THSD7A: variants seen among roughly 807,000 people sequenced by gnomAD.
THSD7A encodes thrombospondin type 1 domain containing 7A, also known as thrombospondin type-1 domain-containing protein 7A.
Under a neutral mutation model 231.3 loss-of-function variants are expected in THSD7A, and 96 were observed. The observed-to-expected ratio is 0.41, with a 90% CI of 0.35 to 0.49. The LOEUF is 0.49. THSD7A is among the 20% of genes least tolerant of loss of function. The pLI, the probability that THSD7A is intolerant of heterozygous loss-of-function variation, is 0.05. For synonymous variants in THSD7A, 940 were observed against 743.3 expected (o/e 1.26, Z -4.30); for missense variants, 2,290 against 2,070.2 (o/e 1.11, Z -2.06).
intron 1 of THSD7A, among the ~76,000 whole-genome samples, chr7:11,775,602 C>G (rs961648122): frequency 3.9e-5 from 6 of 152,102 alleles, no homozygotes; most frequent in Admixed American, 3.9e-4. Context: ...ATGCTGACTG[C>G]ATGATTTCAC....
In THSD7A at chr7:11,831,816, G is replaced by A. The variant is rs1785202604; in HGVS notation, c.131C>T (p.Ala44Val). The change falls in exon 1 of 28, where the codon GCC becomes GTC. Residue 44 changes from alanine to valine, a missense_variant. Ala to Val is a moderately conservative substitution (Grantham distance 64, BLOSUM62 0). Transcript: ENST00000423059. The surrounding 1 kb of genome is among the most constrained non-coding windows in gnomAD (Gnocchi z 5.0). ...LLLLLLLRPG[A>V]GRAAAQGEAE... ...CTCGCCCTGCGCCGCAGCCCTGCCG[G>A]CGCCCGGGCGTAGCAGCAGCAGCAG... 6.9e-7 allele frequency: 1 copy of A among 1,448,112 alleles called. No individual in the cohort carries two copies. The highest frequency in any genetic ancestry group is 9.1e-7 in the Non-Finnish European group (1 of 1,096,732). 89.7% of individuals were successfully genotyped at this position (1,448,112 alleles called of 1,614,324 possible). A position where few individuals can be genotyped will look rare whatever the true frequency, so the allele number is the denominator to read the frequency against.
At chr7:11,771,758 A>G (rs187339891) in intron 1 of THSD7A, among the ~76,000 whole-genome samples, 7 of 152,314 alleles carry the variant, frequency 4.6e-5, no homozygotes, top group East Asian at 1.9e-4. Context: ...GGAATCTCCA[A>G]TGCTGGAGTT....
At chr7:11,655,378 CTG>C (rs1782665380) in intron 1 of THSD7A, among the ~76,000 whole-genome samples, 1 of 151,824 alleles carries the variant, frequency 6.6e-6, no homozygotes. Flanking sequence ...GTTGCTGACT[CTG>C]TTGTTGGACA....
At chr7:11,445,788 T>G (rs1187953732) in intron 13 of THSD7A, among the ~76,000 whole-genome samples, 2 of 152,036 alleles carry the variant, frequency 1.3e-5, no homozygotes, top group African/African-American at 4.8e-5. Context: ...GGGGGACCGT[T>G]CTGGCACCAG....
chr7:11,598,243 G>A (rs1459779737), intron 2 of THSD7A, among the ~76,000 whole-genome samples: 1 of 152,200 alleles, frequency 6.6e-6, no homozygotes, highest in Admixed American at 6.5e-5. Flanking sequence ...TGGAAAATTG[G>A]TGACAAAGAA....
At chr7:11,393,224 C>T (rs552689333) in intron 23 of THSD7A, among the ~76,000 whole-genome samples, 12 of 152,188 alleles carry the variant, frequency 7.9e-5, no homozygotes, top group Non-Finnish European at 1.6e-4. Context: ...CTGCAGCCTC[C>T]GTTGGTGATA....
chr7:11,737,396 C>T (rs1441873300), intron 1 of THSD7A, among the ~76,000 whole-genome samples: 6 of 151,924 alleles, frequency 3.9e-5, no homozygotes, highest in African/African-American at 1.4e-4. Flanking sequence ...TGTGAAAGGT[C>T]ACCAGGCAGA....
chr7:11,626,277 T>C (rs948221794), intron 2 of THSD7A, among the ~76,000 whole-genome samples: 3 of 152,108 alleles, frequency 2.0e-5, no homozygotes, highest in African/African-American at 4.8e-5. Flanking sequence ...ATAAAAATAA[T>C]AGTAATTATG....
chr7:11,444,667 G>C lies in THSD7A; in HGVS notation c.3064+1394C>G, dbSNP rs1784905072. On this transcript the variant is annotated intron_variant, in intron 13 of 27. Transcript: ENST00000423059. This position sits in a 1 kb window ranked among gnomAD's most constrained non-coding sequence, Gnocchi z 4.2. ...CCTAATGTAGATGACGGGTTGATGGGTGCAGCAAACCACCATGGTACGTGT... is the reference window on the plus strand; with the variant it reads ...CCTAATGTAGATGACGGGTTGATGGCTGCAGCAAACCACCATGGTACGTGT... 6.6e-6 allele frequency among the ~76,000 whole-genome samples: 1 copy of C among 151,630 alleles called. No individual in the cohort carries two copies. The highest frequency in any genetic ancestry group is 2.1e-4 in the South Asian group (1 of 4,806).
At chr7:11,509,691 G>C (rs1342634732) in intron 6 of THSD7A, among the ~76,000 whole-genome samples, 3 of 150,662 alleles carry the variant, frequency 2.0e-5, no homozygotes, top group Admixed American at 1.3e-4. Context: ...GCGCAGTGGC[G>C]GGTGCCTGTA....
chr7:11,667,981 A>G (rs1783212471), intron 1 of THSD7A, among the ~76,000 whole-genome samples: 1 of 152,192 alleles, frequency 6.6e-6, no homozygotes, highest in African/African-American at 2.4e-5. Context: ...ATTGAACTCA[A>G]TGCATCATTT....
At chr7:11,580,834 C>T (rs1211983914) in intron 4 of THSD7A, among the ~76,000 whole-genome samples, 1 of 152,010 alleles carries the variant, frequency 6.6e-6, no homozygotes, top group Non-Finnish European at 1.5e-5. Flanking sequence ...AACAAACCCC[C>T]ATGACACAAG....
chr7:11,609,879 G>A (rs1387369097), intron 2 of THSD7A, among the ~76,000 whole-genome samples: 1 of 151,602 alleles, frequency 6.6e-6, no homozygotes, highest in East Asian at 1.9e-4. Flanking sequence ...CCTGGAGAGA[G>A]TAAAAAGACC....
intron 1 of THSD7A, among the ~76,000 whole-genome samples, chr7:11,725,696 A>G (rs916269287): frequency 6.6e-6 from 1 of 152,016 alleles, no homozygotes; most frequent in Non-Finnish European, 1.5e-5. Flanking sequence ...ATGTTTATAC[A>G]TGGCCATGAA....
chr7:11,549,713 T>C (rs897095616), intron 4 of THSD7A, among the ~76,000 whole-genome samples: 1 of 151,892 alleles, frequency 6.6e-6, no homozygotes, highest in African/African-American at 2.4e-5. Context: ...CACTTATAAG[T>C]AGAAGCTGAA....
intron 1 of THSD7A, among the ~76,000 whole-genome samples, chr7:11,773,135 T>C (rs1225329838): frequency 6.6e-6 from 1 of 152,196 alleles, no homozygotes; most frequent in East Asian, 1.9e-4. Flanking sequence ...ATGAATATTT[T>C]TAACACTGAA....
intron 1 of THSD7A, among the ~76,000 whole-genome samples, chr7:11,800,645 T>C (rs1467366133): frequency 2.0e-5 from 3 of 152,228 alleles, no homozygotes; most frequent in African/African-American, 7.2e-5. Context: ...GCATTTACTG[T>C]ATGATTCCAT....
intron 1 of THSD7A, among the ~76,000 whole-genome samples, chr7:11,663,631 G>A (rs770586203): frequency 3.6e-4 from 55 of 150,804 alleles, no homozygotes; most frequent in Non-Finnish European, 7.6e-4. Flanking sequence ...GACAAACATG[G>A]ATGCAAATTT....
chr7:11,653,087 T>A (rs1782568404), intron 1 of THSD7A, among the ~76,000 whole-genome samples: 1 of 151,988 alleles, frequency 6.6e-6, no homozygotes, highest in African/African-American at 2.4e-5. Flanking sequence ...ACTGTATTGT[T>A]TTTGCAAATT....
Sources: gnomAD v4.1 joint callset for allele counts (sites outside exome capture counted in the v4.1 genomes callset) on GRCh38, gnomAD v4.1.1 for gene constraint, Gnocchi (gnomAD v3.1) non-coding constraint, MANE v1.5 for transcripts, NCBI Gene and HGNC (gene_info 2026-07-23, HGNC 2026-07-21) for gene names.